Variants in MDGA2 observed in about 807,000 individuals in gnomAD.
MDGA2 encodes the protein MAM domain-containing glycosylphosphatidylinositol anchor protein 2.
Under a neutral mutation model 117.8 loss-of-function variants are expected in MDGA2, and 40 were observed. That is an observed-to-expected ratio of 0.34 (90% confidence interval 0.26 to 0.44). The LOEUF is 0.44. Among genes scored for constraint, MDGA2 ranks in the 20% least tolerant of loss-of-function variants. The probability of loss-of-function intolerance (pLI) is 1.00; values close to 1 mark genes in which losing one functional copy is unlikely to be tolerated. For missense variants in MDGA2, 1,123 were observed against 1,250.6 expected (o/e 0.90, Z 1.54); for synonymous variants, 452 against 439.0 (o/e 1.03, Z -0.37).
intron 1 of MDGA2, among the ~76,000 whole-genome samples, chr14:47,533,344 T>C (rs188917213): frequency 0.014 from 2,117 of 152,360 alleles, 53 homozygotes; most frequent in Admixed American, 0.055. Context: ...TATTCTTGTC[T>C]GCCCTTCCAT....
intron 7 of MDGA2, among the ~76,000 whole-genome samples, chr14:47,057,651 C>A (rs1250177256): frequency 2.1e-5 from 3 of 143,238 alleles, no homozygotes; most frequent in Admixed American, 7.1e-5. Flanking sequence ...CCTTTCCCCT[C>A]CCCTCCCCTC....
rs1882102466 is a variant in MDGA2 at position 46,873,609 on chromosome 14, A to G, written c.2594-18T>C. ...ATAAAAACCTTAAAACAGACAAAAT[A>G]AAGTGTTTAAACACATTATTCTTAG... On this transcript the variant is annotated intron_variant, in intron 13 of 16. Coordinates refer to ENST00000399232, the MANE Select transcript of MDGA2 (RefSeq NM_001113498.3). 14 of 1,606,630 alleles carry G rather than the reference A, an allele frequency of 8.7e-6. No individual in the cohort carries two copies. The highest frequency in any genetic ancestry group is 5.1e-5 in the Admixed American group (3 of 59,020).
At chr14:47,360,126 C>T (rs993926327) in intron 1 of MDGA2, among the ~76,000 whole-genome samples, 8 of 151,764 alleles carry the variant, frequency 5.3e-5, no homozygotes, top group Admixed American at 1.3e-4. Context: ...CTGAGGTGGG[C>T]GGATCACCTG....
intron 1 of MDGA2, among the ~76,000 whole-genome samples, chr14:47,333,788 GT>G (rs1890361685): frequency 1.3e-5 from 2 of 151,758 alleles, no homozygotes; most frequent in African/African-American, 2.4e-5. Flanking sequence ...ATTTTACTAA[GT>G]AATGTATGTT....
At chr14:46,920,716 AG>A (rs1304672693) in intron 9 of MDGA2, among the ~76,000 whole-genome samples, 1 of 152,206 alleles carries the variant, frequency 6.6e-6, no homozygotes, top group East Asian at 1.9e-4. Flanking sequence ...GATGCCTGAG[AG>A]GGAACAACCT....
At chr14:46,915,276 T>A (rs574796841) in intron 10 of MDGA2, among the ~76,000 whole-genome samples, 13 of 152,256 alleles carry the variant, frequency 8.5e-5, no homozygotes, top group Admixed American at 3.3e-4. Flanking sequence ...CAATGCCTGG[T>A]AAAGGAGAAA....
At chr14:47,018,791 G>A (rs1169225056) in intron 8 of MDGA2, among the ~76,000 whole-genome samples, 1 of 106,410 alleles carries the variant, frequency 9.4e-6, no homozygotes, top group Non-Finnish European at 2.1e-5. Context: ...AAAACAAAGT[G>A]GGAAAATAGG....
intron 8 of MDGA2, among the ~76,000 whole-genome samples, chr14:46,971,161 C>T (rs75451102): frequency 0.11 from 17,176 of 151,926 alleles, 1,851 homozygotes; most frequent in African/African-American, 0.26. Flanking sequence ...ATGACAATTA[C>T]TCAAAAAAAA....
intron 1 of MDGA2, among the ~76,000 whole-genome samples, chr14:47,419,567 A>G (rs1892538032): frequency 6.6e-6 from 1 of 152,144 alleles, no homozygotes; most frequent in South Asian, 2.1e-4. Context: ...TTTTAACTAC[A>G]CTACTAATGG....
chr14:47,373,491 T>C (rs1014300018), intron 1 of MDGA2, among the ~76,000 whole-genome samples: 28 of 152,244 alleles, frequency 1.8e-4, no homozygotes, highest in African/African-American at 6.3e-4. Context: ...AATGAACTAC[T>C]AATACATGAT....
At chr14:47,281,049 TAAC>T (rs1888472517) in intron 2 of MDGA2, among the ~76,000 whole-genome samples, 1 of 147,872 alleles carries the variant, frequency 6.8e-6, no homozygotes, top group Admixed American at 6.8e-5. Flanking sequence ...AATATAAAAT[TAAC>T]AAGCTGTGTT....
At chr14:46,960,917 T>C (rs1411170543) in intron 8 of MDGA2, among the ~76,000 whole-genome samples, 2 of 144,584 alleles carry the variant, frequency 1.4e-5, no homozygotes. Context: ...TAATGTTTTA[T>C]ATATACATAT....
chr14:47,316,777 T>C (rs995772595), intron 1 of MDGA2, among the ~76,000 whole-genome samples: 1 of 152,004 alleles, frequency 6.6e-6, no homozygotes, highest in Non-Finnish European at 1.5e-5. Context: ...TTAAAAGAAA[T>C]ATCCAAACAA....
At chr14:47,263,248 C>T (rs954071582) in intron 2 of MDGA2, among the ~76,000 whole-genome samples, 2 of 151,996 alleles carry the variant, frequency 1.3e-5, no homozygotes, top group Non-Finnish European at 2.9e-5. Context: ...ATCTTAAGAA[C>T]GTGGATTTAG....
intron 2 of MDGA2, among the ~76,000 whole-genome samples, chr14:47,291,539 C>T (rs1888889323): frequency 6.6e-6 from 1 of 152,172 alleles, no homozygotes; most frequent in African/African-American, 2.4e-5. Context: ...ATCTAACCTA[C>T]CAAATGTCAT....
At chr14:47,601,375 T>G (rs1364940441) in intron 1 of MDGA2, among the ~76,000 whole-genome samples, 4 of 152,118 alleles carry the variant, frequency 2.6e-5, no homozygotes, top group African/African-American at 9.7e-5. Flanking sequence ...AGTCTCTACA[T>G]CCTAGGTTTA....
At chr14:46,912,309 A>C (rs1017595065) in intron 10 of MDGA2, among the ~76,000 whole-genome samples, 3 of 152,170 alleles carry the variant, frequency 2.0e-5, no homozygotes, top group African/African-American at 7.2e-5. Flanking sequence ...ATACAAATAC[A>C]AGATTTTTCT....
chr14:47,012,040 A>T (rs1344880818), intron 8 of MDGA2, among the ~76,000 whole-genome samples: 2 of 152,086 alleles, frequency 1.3e-5, no homozygotes, highest in African/African-American at 4.8e-5. Flanking sequence ...TTTTTACATT[A>T]AGATTTTGAT....
intron 1 of MDGA2, among the ~76,000 whole-genome samples, chr14:47,351,155 C>A (rs1294952412): frequency 6.6e-6 from 1 of 151,236 alleles, no homozygotes; most frequent in African/African-American, 2.4e-5. Context: ...CTTGTCTCAC[C>A]CCCGCAACCT....
Sources: allele counts gnomAD v4.1 joint callset (sites outside exome capture counted in the v4.1 genomes callset), GRCh38; gene constraint gnomAD v4.1.1; transcripts MANE v1.5; gene names NCBI Gene and HGNC (gene_info 2026-07-23, HGNC 2026-07-21).